The following MBD5 variants were observed in gnomAD, a reference collection of about 807,000 sequenced individuals.
The protein encoded by MBD5 is methyl-CpG binding domain protein 5, also known as methyl-CpG-binding domain protein 5.
MBD5 carries 13 observed loss-of-function variants against 117.3 expected under a neutral mutation model. That is an observed-to-expected ratio of 0.11 (90% CI 0.07 to 0.18). MBD5 has a LOEUF of 0.18. Among genes scored for constraint, MBD5 ranks in the 10% least tolerant of loss-of-function variants. MBD5 has a pLI of 1.00. For synonymous variants in MBD5, 727 were observed against 766.4 expected, an observed-to-expected ratio of 0.95 and a Z score of 0.85; for missense variants, 1,879 against 2,093.8, an observed-to-expected ratio of 0.90 and a Z score of 2.00.
intron 3 of MBD5, among the ~76,000 whole-genome samples, chr2:148,318,413 T>G (rs1702205227): frequency 6.6e-6 from 1 of 152,134 alleles, no homozygotes; most frequent in African/African-American, 2.4e-5. Context: ...ATAGATTGTC[T>G]GTTTTCTCTG....
intron 3 of MBD5, among the ~76,000 whole-genome samples, chr2:148,327,069 A>T (rs1282337993): frequency 6.6e-6 from 1 of 151,702 alleles, no homozygotes; most frequent in African/African-American, 2.4e-5. Flanking sequence ...TTGTCTGTAA[A>T]GTATTTTATT....
intron 3 of MBD5, among the ~76,000 whole-genome samples, chr2:148,293,488 C>G (rs1206033547): frequency 6.6e-6 from 1 of 152,158 alleles, no homozygotes. Context: ...ATCAAAACAT[C>G]TCATGTACCC....
At chr2:148,436,976 G>GT (rs1706172998) in intron 4 of MBD5, among the ~76,000 whole-genome samples, 1 of 151,594 alleles carries the variant, frequency 6.6e-6, no homozygotes, top group Non-Finnish European at 1.5e-5. Context: ...ATGAATATAT[G>GT]TTTTTATTTA....
intron 3 of MBD5, among the ~76,000 whole-genome samples, chr2:148,303,010 T>G (rs571637552): frequency 1.3e-5 from 2 of 150,192 alleles, no homozygotes; most frequent in African/African-American, 4.8e-5. Flanking sequence ...TGAAGAGCTA[T>G]TCAAAAATAA....
At chr2:148,046,090 C>T (rs949425104) in intron 1 of MBD5, among the ~76,000 whole-genome samples, 2 of 146,162 alleles carry the variant, frequency 1.4e-5, no homozygotes, top group Non-Finnish European at 3.0e-5. Context: ...TTCAAGTGAT[C>T]CTCCTGCCTC....
At chr2:148,333,556 T>C (rs1702714329) in intron 3 of MBD5, among the ~76,000 whole-genome samples, 1 of 151,918 alleles carries the variant, frequency 6.6e-6, no homozygotes, top group Non-Finnish European at 1.5e-5. Flanking sequence ...ATTCCCCAGT[T>C]CAAGGCTGGG....
chr2:148,324,250 G>A (rs1434048451), intron 3 of MBD5, among the ~76,000 whole-genome samples: 2 of 152,142 alleles, frequency 1.3e-5, no homozygotes, highest in African/African-American at 4.8e-5. Context: ...CTGTAGCCTT[G>A]TAGTATAGTT....
intron 11 of MBD5, chr2:148,490,893 C>A (rs1681503322): frequency 2.5e-6 from 1 of 397,772 alleles, no homozygotes; most frequent in African/African-American, 2.0e-5. Flanking sequence ...TCTACAGTTA[C>A]CTAGTTCTTC....
chr2:148,390,953 C>A (rs1370778248), intron 4 of MBD5, among the ~76,000 whole-genome samples: 1 of 152,018 alleles, frequency 6.6e-6, no homozygotes, highest in Admixed American at 6.6e-5. Flanking sequence ...AATATTAATC[C>A]CTTTTGGAAT....
At chr2:148,120,603 C>A (rs1400290687) in intron 1 of MBD5, among the ~76,000 whole-genome samples, 1 of 152,128 alleles carries the variant, frequency 6.6e-6, no homozygotes, top group Non-Finnish European at 1.5e-5. Flanking sequence ...AGTGTGTTGA[C>A]ATATTGTTAA....
intron 1 of MBD5, among the ~76,000 whole-genome samples, chr2:148,131,001 G>A (rs1401690301): frequency 2.0e-5 from 3 of 152,080 alleles, no homozygotes; most frequent in Non-Finnish European, 4.4e-5. Flanking sequence ...CTGATAATAC[G>A]AGATGAAAGA....
chr2:148,255,149 C>T (rs1700555437), intron 3 of MBD5, among the ~76,000 whole-genome samples: 1 of 152,228 alleles, frequency 6.6e-6, no homozygotes, highest in Non-Finnish European at 1.5e-5. Context: ...AACGACAGAG[C>T]AGGCACAAGT....
intron 11 of MBD5, among the ~76,000 whole-genome samples, chr2:148,502,049 A>G (rs1307312121): frequency 1.3e-5 from 2 of 152,122 alleles, no homozygotes; most frequent in African/African-American, 4.8e-5. Context: ...TTCACTAACT[A>G]CCTCTCTTGT....
chr2:148,441,472 A>G (rs1312071417), intron 4 of MBD5, among the ~76,000 whole-genome samples: 1 of 152,070 alleles, frequency 6.6e-6, no homozygotes, highest in Non-Finnish European at 1.5e-5. Context: ...TCCATGGTGT[A>G]TATGTGCCAC....
intron 13 of MBD5, among the ~76,000 whole-genome samples, chr2:148,511,852 A>G (rs1457436003): frequency 6.6e-6 from 1 of 152,214 alleles, no homozygotes; most frequent in South Asian, 2.1e-4. Context: ...AGCATTCTGC[A>G]TTTGAGTCTG....
intron 1 of MBD5, among the ~76,000 whole-genome samples, chr2:148,126,057 A>T (rs1262677376): frequency 6.6e-6 from 1 of 152,126 alleles, no homozygotes; most frequent in Non-Finnish European, 1.5e-5. Context: ...GATGTGTTCA[A>T]GAGATCTGTT....
chr2:148,175,329 T>G (rs12619583), intron 1 of MBD5, among the ~76,000 whole-genome samples: 1 of 152,012 alleles, frequency 6.6e-6, no homozygotes. Flanking sequence ...AAACCACAAA[T>G]TTATATCTCA....
At chr2:148,021,998 C>T (rs1419563569) in intron 1 of MBD5, among the ~76,000 whole-genome samples, 1 of 152,122 alleles carries the variant, frequency 6.6e-6, no homozygotes, top group Non-Finnish European at 1.5e-5. Context: ...AATGAGGCGC[C>T]AGGGAAAGAG....
chr2:148,111,455 A>G (rs1270622252), intron 1 of MBD5, among the ~76,000 whole-genome samples: 1 of 152,198 alleles, frequency 6.6e-6, no homozygotes, highest in Non-Finnish European at 1.5e-5. Flanking sequence ...GAATTGCTGT[A>G]GGTGAAAGGA....
Sources: allele counts gnomAD v4.1 joint callset (sites outside exome capture counted in the v4.1 genomes callset), GRCh38; gene constraint gnomAD v4.1.1; transcripts MANE v1.5; gene names NCBI Gene and HGNC (gene_info 2026-07-23, HGNC 2026-07-21).